The following AUH variants were observed in gnomAD, a reference collection of about 807,000 sequenced individuals.
AUH encodes the protein methylglutaconyl-CoA hydratase, mitochondrial.
AUH carries 29 observed loss-of-function variants against 42.3 expected under a neutral mutation model. That is an observed-to-expected ratio of 0.69 (90% CI 0.51 to 0.93). The LOEUF is 0.93. Ranked by LOEUF, AUH falls within the 40% of genes least tolerant of loss-of-function variation. AUH has a pLI of 0.00. For missense variants in AUH, 452 were observed against 438.1 expected, an observed-to-expected ratio of 1.03 and a Z score of -0.28; for synonymous variants, 174 against 166.4, an observed-to-expected ratio of 1.05 and a Z score of -0.35.
chr9:91,354,960 A>G (rs975690918), intron 3 of AUH, among the ~76,000 whole-genome samples: 1 of 152,224 alleles, frequency 6.6e-6, no homozygotes, highest in Non-Finnish European at 1.5e-5. Context: ...TAAAACCCTT[A>G]TAAGCACTCC....
intron 4 of AUH, among the ~76,000 whole-genome samples, chr9:91,309,926 G>A (rs1316011013): frequency 6.7e-6 from 1 of 148,734 alleles, no homozygotes; most frequent in African/African-American, 2.6e-5. Context: ...ATGCCTCACA[G>A]TCCTCAGACT....
At chr9:91,244,162 TC>T (rs1226221547) in intron 6 of AUH, among the ~76,000 whole-genome samples, 1 of 152,168 alleles carries the variant, frequency 6.6e-6, no homozygotes, top group Non-Finnish European at 1.5e-5. Context: ...AAAATCTCTA[TC>T]TAAACCAGCA....
chr9:91,339,281 G>A (rs1233237191), intron 3 of AUH, among the ~76,000 whole-genome samples: 1 of 152,160 alleles, frequency 6.6e-6, no homozygotes, highest in Admixed American at 6.5e-5. Context: ...TTGCACCATC[G>A]TAAATTGAAA....
intron 6 of AUH, among the ~76,000 whole-genome samples, chr9:91,265,826 G>A (rs1829945249): frequency 6.6e-6 from 1 of 152,104 alleles, no homozygotes; most frequent in South Asian, 2.1e-4. Flanking sequence ...ATTTAGGCTA[G>A]GGCTTTTCAA....
At position 91,348,030 on chromosome 9, in the gene AUH, A is replaced by C. The variant is rs930598377; in HGVS notation, c.418+7853T>G. On this transcript the variant is annotated intron_variant, in intron 3 of 9. Transcript: ENST00000375731. The stretch of plus-strand genomic sequence containing the variant: ...ATGACAGGCCATTTAGTGGAAGAAA[A>C]CTTACCAAGTATAACAGATAAAAGT... Among the ~76,000 whole-genome samples the C allele has an allele frequency of 6.6e-5, 10 of 151,982 alleles. No homozygotes were observed. The East Asian group carries it at 1.5e-3, about 23-fold the overall frequency.
chr9:91,350,562 C>G (rs1378703156), intron 3 of AUH, among the ~76,000 whole-genome samples: 1 of 152,026 alleles, frequency 6.6e-6, no homozygotes, highest in African/African-American at 2.4e-5. Flanking sequence ...AGTTCAAAAC[C>G]AGCCTGGCCA....
At chr9:91,247,613 T>C (rs1324884285) in intron 6 of AUH, among the ~76,000 whole-genome samples, 1 of 152,190 alleles carries the variant, frequency 6.6e-6, no homozygotes, top group Non-Finnish European at 1.5e-5. Flanking sequence ...GTTAGTATTC[T>C]CTCTGAATTA....
chr9:91,265,159 C>T (rs1480325283), intron 6 of AUH, among the ~76,000 whole-genome samples: 2 of 152,116 alleles, frequency 1.3e-5, no homozygotes, highest in Non-Finnish European at 2.9e-5. Context: ...TTTTCCATCT[C>T]TGGGAATTAT....
At chr9:91,230,321 T>C (rs1277736143) in intron 6 of AUH, among the ~76,000 whole-genome samples, 2 of 152,234 alleles carry the variant, frequency 1.3e-5, no homozygotes, top group African/African-American at 4.8e-5. Flanking sequence ...CCATTGCTGA[T>C]ACCTTTTCTT....
intron 3 of AUH, among the ~76,000 whole-genome samples, chr9:91,348,776 C>T (rs560908723): frequency 6.6e-6 from 1 of 152,218 alleles, no homozygotes; most frequent in African/African-American, 2.4e-5. Context: ...CAAATGGACA[C>T]AAGAAAACTT....
chr9:91,218,601 T>C (rs957233131), intron 7 of AUH: 1 of 984,414 alleles, frequency 1.0e-6, no homozygotes, highest in African/African-American at 1.7e-5. Flanking sequence ...CTTTGGGAAG[T>C]AAAGTTTAGA....
chr9:91,256,681 C>T (rs755304921), intron 6 of AUH, among the ~76,000 whole-genome samples: 3 of 151,996 alleles, frequency 2.0e-5, no homozygotes, highest in African/African-American at 4.8e-5. Context: ...TGTGCTCAAG[C>T]GGCAGACTTA....
intron 4 of AUH, among the ~76,000 whole-genome samples, chr9:91,319,631 G>A (rs7035286): frequency 0.085 from 13,014 of 152,222 alleles, 628 homozygotes; most frequent in East Asian, 0.17. Context: ...GCAAAATGGC[G>A]GATGACGTCC....
intron 1 of AUH, chr9:91,357,610 G>T (rs1832522680): frequency 3.3e-6 from 2 of 614,712 alleles, no homozygotes; most frequent in Admixed American, 6.3e-5. Context: ...GCTGTAAGTG[G>T]TGCTACAGTA....
chr9:91,267,860 C>CT (rs1167477237), intron 6 of AUH, among the ~76,000 whole-genome samples: 3 of 152,144 alleles, frequency 2.0e-5, no homozygotes, highest in African/African-American at 7.2e-5. Context: ...CTACTACCAC[C>CT]TTTTCCATAT....
intron 3 of AUH, among the ~76,000 whole-genome samples, chr9:91,353,647 G>T (rs1313422665): frequency 6.6e-6 from 1 of 151,716 alleles, no homozygotes; most frequent in African/African-American, 2.4e-5. Context: ...AGACCATCCT[G>T]GCTAATACAG....
intron 6 of AUH, among the ~76,000 whole-genome samples, chr9:91,280,378 T>A (rs1394939892): frequency 6.6e-6 from 1 of 152,182 alleles, no homozygotes; most frequent in East Asian, 1.9e-4. Context: ...TACTGCTGGA[T>A]AATAAGAAAG....
intron 3 of AUH, among the ~76,000 whole-genome samples, chr9:91,344,808 T>G (rs999141568): frequency 1.3e-5 from 2 of 152,150 alleles, no homozygotes; most frequent in South Asian, 4.1e-4. Flanking sequence ...TATGAAAAGT[T>G]ATAAAATCCT....
At chr9:91,322,019 A>C (rs940106700) in intron 4 of AUH, among the ~76,000 whole-genome samples, 1 of 152,214 alleles carries the variant, frequency 6.6e-6, no homozygotes, top group Non-Finnish European at 1.5e-5. Context: ...GATACTATTA[A>C]GATACTTAGT....
Sources: allele counts gnomAD v4.1 joint callset (sites outside exome capture counted in the v4.1 genomes callset), GRCh38; gene constraint gnomAD v4.1.1; transcripts MANE v1.5; gene names NCBI Gene and HGNC (gene_info 2026-07-23, HGNC 2026-07-21).